CSMD1: variants seen among roughly 807,000 people sequenced by gnomAD.
CSMD1 encodes the protein CUB and Sushi multiple domains 1.
A neutral mutation model predicts 417.5 loss-of-function variants in CSMD1; 213 were observed. The observed-to-expected ratio is 0.51, with a 90% CI of 0.46 to 0.57. The LOEUF (loss-of-function observed/expected upper bound fraction) is 0.57, where lower values mean the gene tolerates loss of function less well. Among genes scored for constraint, CSMD1 ranks in the 20% least tolerant of loss-of-function variants. The probability of loss-of-function intolerance (pLI) is 0.00; values close to 1 mark genes in which losing one functional copy is unlikely to be tolerated. For synonymous variants in CSMD1, 2,862 were observed against 1,736.8 expected, an observed-to-expected ratio of 1.65 and a Z score of -16.11; for missense variants, 6,923 against 4,529.7, an observed-to-expected ratio of 1.53 and a Z score of -15.17.
rs541658490 is a variant in CSMD1 at position 4,862,096 on chromosome 8, A to G, written c.85+132236T>C. Reference sequence around the variant, plus strand: ...GGGAATGGCGTCTTCTGATCCAAGAAGGAAGGAAGGAGTGAGTCAGCTCTA... The same window carrying G: ...GGGAATGGCGTCTTCTGATCCAAGAGGGAAGGAAGGAGTGAGTCAGCTCTA... On this transcript the variant is annotated intron_variant, in intron 1 of 69. Coordinates refer to ENST00000635120, the MANE Select transcript of CSMD1 (RefSeq NM_033225.6). Among the ~76,000 whole-genome samples the G allele has an allele frequency of 2.4e-4, 36 of 152,188 alleles. No homozygotes were observed. The East Asian group carries it at 5.6e-3, about 24-fold the overall frequency.
chr8:4,172,020 A>G (rs1302943613), intron 3 of CSMD1, among the ~76,000 whole-genome samples: 1 of 152,198 alleles, frequency 6.6e-6, no homozygotes, highest in African/African-American at 2.4e-5. Flanking sequence ...GCAGCACATA[A>G]TATTTTCAAA....
chr8:4,723,615 A>G (rs907049974), intron 1 of CSMD1, among the ~76,000 whole-genome samples: 4 of 152,086 alleles, frequency 2.6e-5, no homozygotes, highest in African/African-American at 7.2e-5. Flanking sequence ...AAAAGCAAAT[A>G]ATAATTAGCA....
chr8:3,359,119 G>T, intron 21 of CSMD1, 33 bp downstream of exon 21: 2 of 1,608,466 alleles, frequency 1.2e-6, no homozygotes, highest in Non-Finnish European at 1.7e-6. Context: ...CTGCCCCCAT[G>T]GATGAATGAA....
At chr8:4,989,199 A>T (rs538106270) in intron 1 of CSMD1, among the ~76,000 whole-genome samples, 4 of 152,300 alleles carry the variant, frequency 2.6e-5, no homozygotes, top group African/African-American at 9.6e-5. Context: ...TTGAGGATTA[A>T]TTCATTTCAG....
At chr8:3,118,937 C>G (rs937153840) in intron 41 of CSMD1, among the ~76,000 whole-genome samples, 1 of 134,738 alleles carries the variant, frequency 7.4e-6, no homozygotes, top group South Asian at 2.3e-4. Flanking sequence ...TCCCAGCACT[C>G]TGGGAGGCCG....
chr8:4,096,533 T>C (rs985784475), intron 3 of CSMD1, among the ~76,000 whole-genome samples: 22 of 151,946 alleles, frequency 1.4e-4, no homozygotes, highest in African/African-American at 4.8e-4. Context: ...AAACTGAGAA[T>C]GTTAAATCCT....
intron 1 of CSMD1, among the ~76,000 whole-genome samples, chr8:4,696,005 C>T (rs569416556): frequency 2.0e-4 from 31 of 152,160 alleles, no homozygotes; most frequent in Non-Finnish European, 4.1e-4. Flanking sequence ...TCCTGGCTTA[C>T]TGCACATTAG....
intron 3 of CSMD1, among the ~76,000 whole-genome samples, chr8:4,193,817 G>T (rs1035238154): frequency 6.6e-6 from 1 of 152,034 alleles, no homozygotes. Flanking sequence ...AGAAGAGCAG[G>T]AAAACAGAAT....
chr8:4,353,292 G>C (rs1257517155), intron 3 of CSMD1, among the ~76,000 whole-genome samples: 2 of 152,034 alleles, frequency 1.3e-5, no homozygotes, highest in Admixed American at 1.3e-4. Context: ...ATAAAGGGGA[G>C]TTTCCTTCAC....
At chr8:4,504,605 C>G (rs1563239357) in intron 2 of CSMD1, among the ~76,000 whole-genome samples, 2 of 152,072 alleles carry the variant, frequency 1.3e-5, no homozygotes, top group Non-Finnish European at 2.9e-5. Context: ...ATGCATTAGG[C>G]ATTTGTCCTA....
rs1169017469 is a variant in CSMD1 at position 4,057,637 on chromosome 8, G to C, written c.416-25538C>G. 7.1e-5 allele frequency among the ~76,000 whole-genome samples: 8 copies of C among 112,720 alleles called. No homozygotes were observed. In the South Asian group the frequency reaches 1.8e-3, roughly 26 times the overall value. 73.9% of individuals were successfully genotyped at this position (112,720 alleles called of 152,430 possible). A position where few individuals can be genotyped will look rare whatever the true frequency, so the allele number is the denominator to read the frequency against. ...CCTATGTCCTGAATGGTAATGCCTAGGTTTTCTTCTAGGGTTTTTATAGTT... is the reference window on the plus strand; with the variant it reads ...CCTATGTCCTGAATGGTAATGCCTACGTTTTCTTCTAGGGTTTTTATAGTT... On this transcript the variant is annotated intron_variant, in intron 3 of 69. Coordinates refer to ENST00000635120, the MANE Select transcript of CSMD1 (RefSeq NM_033225.6).
At chr8:4,153,533 G>T (rs760718624) in intron 3 of CSMD1, among the ~76,000 whole-genome samples, 1 of 152,200 alleles carries the variant, frequency 6.6e-6, no homozygotes, top group Admixed American at 6.5e-5. Flanking sequence ...GCACCAGCTG[G>T]TCCCTCGTCA....
At chr8:4,767,473 C>A (rs1812541940) in intron 1 of CSMD1, among the ~76,000 whole-genome samples, 1 of 152,152 alleles carries the variant, frequency 6.6e-6, no homozygotes, top group Non-Finnish European at 1.5e-5. Flanking sequence ...GCTCTGCCTC[C>A]CTCACCGCTG....
chr8:4,010,058 T>A (rs997903261), intron 4 of CSMD1, among the ~76,000 whole-genome samples: 1 of 152,304 alleles, frequency 6.6e-6, no homozygotes, highest in Non-Finnish European at 1.5e-5. Flanking sequence ...AAGTCAATTA[T>A]AAACAGAATT....
chr8:4,563,755 C>T (rs1259746252), intron 2 of CSMD1, among the ~76,000 whole-genome samples: 1 of 152,170 alleles, frequency 6.6e-6, no homozygotes, highest in Non-Finnish European at 1.5e-5. Flanking sequence ...GTTAACATGA[C>T]TAGACCATCG....
intron 3 of CSMD1, among the ~76,000 whole-genome samples, chr8:4,358,816 C>G (rs933518778): frequency 5.9e-5 from 9 of 152,064 alleles, no homozygotes; most frequent in African/African-American, 2.2e-4. Context: ...AGTTATAAAT[C>G]ACGTAAGAGT....
chr8:3,266,604 CAA>C (rs60439183), intron 26 of CSMD1, among the ~76,000 whole-genome samples: 83 of 25,504 alleles, frequency 3.3e-3, no homozygotes, highest in East Asian at 0.01. Flanking sequence ...GACTCCCTCT[CAA>C]AAAAAAAAAA....
intron 3 of CSMD1, among the ~76,000 whole-genome samples, chr8:4,345,840 A>G (rs1028795550): frequency 3.9e-5 from 6 of 152,174 alleles, no homozygotes; most frequent in Non-Finnish European, 5.9e-5. Context: ...GCAGCGACCT[A>G]CATTGGAGTG....
chr8:4,860,372 T>G (rs576401344), intron 1 of CSMD1, among the ~76,000 whole-genome samples: 18 of 151,208 alleles, frequency 1.2e-4, no homozygotes, highest in Middle Eastern at 3.4e-3. Flanking sequence ...GTAACTAACC[T>G]GCACAATGGG....
Sources: allele counts gnomAD v4.1 joint callset (sites outside exome capture counted in the v4.1 genomes callset), GRCh38; gene constraint gnomAD v4.1.1; transcripts MANE v1.5; gene names NCBI Gene and HGNC (gene_info 2026-07-23, HGNC 2026-07-21).